Variants in SLC5A4 observed in about 807,000 individuals in gnomAD.
SLC5A4 encodes probable glucose sensor protein SLC5A4.
SLC5A4 carries 55 observed loss-of-function variants against 70.3 expected under a neutral mutation model. The observed-to-expected ratio is 0.78, with a 90% confidence interval of 0.63 to 0.98. The LOEUF is 0.98. Among genes scored for constraint, SLC5A4 ranks in the 50% least tolerant of loss-of-function variants. The probability of loss-of-function intolerance (pLI) is 0.00; values close to 1 mark genes in which losing one functional copy is unlikely to be tolerated. For synonymous variants in SLC5A4, 268 were observed against 305.7 expected, an observed-to-expected ratio of 0.88 and a Z score of 1.29; for missense variants, 735 against 839.2, an observed-to-expected ratio of 0.88 and a Z score of 1.53.
the SLC5A4 span, among the ~76,000 whole-genome samples, chr22:32,285,799 C>T: frequency 4.2e-3 from 631 of 151,692 alleles, 9 homozygotes; most frequent in African/African-American, 0.015. Flanking sequence ...TGCAGCGGCG[C>T]GATCTCGGCT....
At chr22:32,324,256 C>CATATGTGTGT in the SLC5A4 span, among the ~76,000 whole-genome samples, 1 of 139,516 alleles carries the variant, frequency 7.2e-6, no homozygotes, top group Admixed American at 6.9e-5. Context: ...TGTATATATA[C>CATATGTGTGT]ACACATATAT....
chr22:32,340,055 T>G, the SLC5A4 span, among the ~76,000 whole-genome samples: 1 of 152,216 alleles, frequency 6.6e-6, no homozygotes, highest in Non-Finnish European at 1.5e-5. Context: ...CTCTTCCCAG[T>G]AGAAGGATGT....
chr22:32,270,786 C>A, the SLC5A4 span: 1 of 607,176 alleles, frequency 1.6e-6, no homozygotes, highest in South Asian at 1.6e-5. Context: ...TCATGAGTGC[C>A]GACGGCCGCG....
At chr22:32,284,005 A>G in the SLC5A4 span, among the ~76,000 whole-genome samples, 1 of 151,372 alleles carries the variant, frequency 6.6e-6, no homozygotes. Context: ...AAAATATAGA[A>G]CCACAGAATC....
At chr22:32,324,675 G>T in the SLC5A4 span, among the ~76,000 whole-genome samples, 1 of 152,146 alleles carries the variant, frequency 6.6e-6, no homozygotes, top group African/African-American at 2.4e-5. Context: ...CACGGCCTCA[G>T]TGTCAGACAA....
At position 32,239,549 on chromosome 22, in the gene SLC5A4, TA is replaced by T. The variant is rs1350725596; in HGVS notation, c.478-460del. Among the ~76,000 whole-genome samples the T allele has an allele frequency of 3.8e-3, 53 of 13,894 alleles. 4 individuals carry two copies. Among genetic ancestry groups the T allele is most frequent in the African/African-American group, 0.023 (32 of 1,416 alleles). The allele number at this position is 13,894 out of a possible 152,430, so 9.1% of individuals were successfully genotyped here. The stretch of plus-strand genomic sequence containing the variant: ...ATATATATATATATATATATATATA[TA>T]TATATATATATATATATATTTATAT... On this transcript the variant is annotated intron_variant, in intron 5 of 14. Transcript: ENST00000266086.
At chr22:32,250,044 G>T (rs896929098) in intron 3 of SLC5A4, among the ~76,000 whole-genome samples, 1 of 152,164 alleles carries the variant, frequency 6.6e-6, no homozygotes, top group Non-Finnish European at 1.5e-5. Context: ...GACACATAGT[G>T]GGGACTCAGG....
chr22:32,321,063 G>A, the SLC5A4 span, among the ~76,000 whole-genome samples: 8,185 of 152,242 alleles, frequency 0.054, 378 homozygotes, highest in Admixed American at 0.15. Context: ...CGAGGCAGGC[G>A]GATCACCAGG....
chr22:32,273,674 T>C, the SLC5A4 span, among the ~76,000 whole-genome samples: 1 of 152,258 alleles, frequency 6.6e-6, no homozygotes, highest in African/African-American at 2.4e-5. Flanking sequence ...CTGAGTGAGT[T>C]ATTTAATCAG....
the SLC5A4 span, among the ~76,000 whole-genome samples, chr22:32,354,035 G>A: frequency 1.4e-4 from 19 of 140,284 alleles, no homozygotes; most frequent in Middle Eastern, 3.6e-3. Flanking sequence ...GGTAGCCCCC[G>A]ATAGCGCACC....
At chr22:32,350,179 T>C in the SLC5A4 span, among the ~76,000 whole-genome samples, 1 of 152,144 alleles carries the variant, frequency 6.6e-6, no homozygotes, top group Non-Finnish European at 1.5e-5. Flanking sequence ...GCTCCTCTCA[T>C]GTGGCCATCA....
the SLC5A4 span, among the ~76,000 whole-genome samples, chr22:32,352,134 G>A: frequency 6.6e-6 from 1 of 151,910 alleles, no homozygotes; most frequent in Non-Finnish European, 1.5e-5. Context: ...GGATGAAGCT[G>A]GAAACCATCA....
chr22:32,255,334 G>A lies in SLC5A4; in HGVS notation c.-5C>T, dbSNP rs1307979833. Reference sequence around the variant, plus strand: ...GGGGCTAACCGTACTGGCCATGGCTGCAGGCAGTGCTATACCCATTCCACG... The same window carrying A: ...GGGGCTAACCGTACTGGCCATGGCTACAGGCAGTGCTATACCCATTCCACG... On this transcript the variant is annotated 5_prime_UTR_variant, in exon 1 of 15. Transcript: ENST00000266086. 3.7e-5 allele frequency: 59 copies of A among 1,613,928 alleles called. No individual in the cohort carries two copies. The highest frequency in any genetic ancestry group is 4.7e-5 in the Non-Finnish European group (56 of 1,179,938).
Position 32,234,998 on chromosome 22 carries a change from T to C in SLC5A4, c.760A>G (p.Ser254Gly). 2 of 1,613,610 alleles carry C rather than the reference T, an allele frequency of 1.2e-6. No homozygotes were observed. Among genetic ancestry groups the C allele is most frequent in the Non-Finnish European group, 1.7e-6 (2 of 1,179,924 alleles). ...VEGDNLTISA[S>G]CYTPRADSFH... Reference sequence around the variant, plus strand: ...GAGTCCGCCCGAGGTGTGTAGCAACTGGCACTGATTGTCAAGTTGTCCCCC... The same window carrying C: ...GAGTCCGCCCGAGGTGTGTAGCAACCGGCACTGATTGTCAAGTTGTCCCCC... The change falls in exon 8 of 15, where the codon AGT (serine) becomes GGT (glycine). Residue 254 changes from serine (S) to glycine (G), a missense_variant. Ser to Gly is a moderately conservative substitution (Grantham distance 56). Transcript: ENST00000266086.
chr22:32,305,459 C>A, the SLC5A4 span, among the ~76,000 whole-genome samples: 1 of 148,958 alleles, frequency 6.7e-6, no homozygotes, highest in Non-Finnish European at 1.5e-5. Flanking sequence ...GATGACGAGA[C>A]CTCTCTGGAG....
At chr22:32,264,663 C>T in the SLC5A4 span, among the ~76,000 whole-genome samples, 3 of 151,990 alleles carry the variant, frequency 2.0e-5, no homozygotes, top group African/African-American at 4.8e-5. Context: ...TTAATCAGAC[C>T]GAAGTCCTAA....
chr22:32,299,071 T>C, the SLC5A4 span, among the ~76,000 whole-genome samples: 1 of 138,634 alleles, frequency 7.2e-6, no homozygotes, highest in Non-Finnish European at 1.6e-5. Context: ...GACCTTTCTC[T>C]CTGGCTGCCC....
At chr22:32,272,636 G>A in the SLC5A4 span, 1 of 589,778 alleles carries the variant, frequency 1.7e-6, no homozygotes, top group African/African-American at 1.9e-5. Context: ...GCCTCATGGT[G>A]TACATGTACC....
the SLC5A4 span, among the ~76,000 whole-genome samples, chr22:32,322,232 G>A: frequency 0.013 from 1,971 of 152,256 alleles, 41 homozygotes; most frequent in African/African-American, 0.046. Context: ...AGGGAAGCGC[G>A]TCCTCACCTG....
Sources: allele counts gnomAD v4.1 joint callset (sites outside exome capture counted in the v4.1 genomes callset), GRCh38; gene constraint gnomAD v4.1.1; transcripts MANE v1.5; gene names NCBI Gene and HGNC (gene_info 2026-07-23, HGNC 2026-07-21).